PLA2G15: variants seen among roughly 807,000 people sequenced by gnomAD.
PLA2G15 encodes the protein lysosomal phospholipase A and acyltransferase.
Under a neutral mutation model 40.9 loss-of-function variants are expected in PLA2G15, and 20 were observed. The ratio of observed to expected loss-of-function variants is 0.49; its 90% confidence interval spans 0.34 to 0.71. The LOEUF is 0.71. PLA2G15 is among the 30% of genes least tolerant of loss of function. The pLI, the probability that PLA2G15 is intolerant of heterozygous loss-of-function variation, is 0.01. For missense variants in PLA2G15, 471 were observed against 541.9 expected, an observed-to-expected ratio of 0.87 and a Z score of 1.30; for synonymous variants, 223 against 228.2, an observed-to-expected ratio of 0.98 and a Z score of 0.21.
chr16:68,255,381 G>C lies in PLA2G15; in HGVS notation c.502+1G>C. 1 of 1,605,088 alleles carries C rather than the reference G, an allele frequency of 6.2e-7. No individual in the cohort carries two copies. The highest frequency in any genetic ancestry group is 8.5e-7 in the Non-Finnish European group (1 of 1,173,954). ...CCCTATGACTGGCGCCGAGCCCCAAGTAAGCAGGCACTCTCATTCCCTCCC... is the reference window on the plus strand; with the variant it reads ...CCCTATGACTGGCGCCGAGCCCCAACTAAGCAGGCACTCTCATTCCCTCCC... On this transcript the variant is annotated splice_donor_variant, in intron 4 of 5. Coordinates refer to ENST00000219345, the MANE Select transcript of PLA2G15 (RefSeq NM_012320.4). LOFTEE classifies it high-confidence loss of function. This position sits in a 1 kb window ranked among gnomAD's most constrained non-coding sequence, Gnocchi z 5.9.
intron 2 of PLA2G15, among the ~76,000 whole-genome samples, chr16:68,252,964 C>A (rs939564720): frequency 7.2e-5 from 11 of 152,064 alleles, no homozygotes; most frequent in South Asian, 4.1e-4. Context: ...CAGAGTGAGA[C>A]CCTGTCTCAA....
intron 1 of PLA2G15, among the ~76,000 whole-genome samples, chr16:68,246,606 CA>C (rs2042311353): frequency 6.6e-6 from 1 of 152,182 alleles, no homozygotes; most frequent in African/African-American, 2.4e-5. Flanking sequence ...CCAGGTTCAC[CA>C]TGGGATTTGG....
intron 5 of PLA2G15, among the ~76,000 whole-genome samples, chr16:68,257,499 T>C (rs1408127566): frequency 6.6e-6 from 1 of 152,162 alleles, no homozygotes; most frequent in Non-Finnish European, 1.5e-5. Flanking sequence ...CTGTTGCAGC[T>C]CACCAGCTGC....
At chr16:68,245,948 G>A (rs894848832) in intron 1 of PLA2G15, among the ~76,000 whole-genome samples, 6 of 152,166 alleles carry the variant, frequency 3.9e-5, no homozygotes, top group Non-Finnish European at 8.8e-5. Context: ...ACCTGGGCCT[G>A]GTTAGGAGGC....
intron 1 of PLA2G15, chr16:68,248,825 T>C (rs2042331530): frequency 1.9e-6 from 1 of 535,788 alleles, no homozygotes; most frequent in Admixed American, 5.8e-5. Context: ...TAGAGGTGTG[T>C]CTGTGTTTGC....
chr16:68,251,241 G>C (rs902605845), intron 2 of PLA2G15, among the ~76,000 whole-genome samples: 3 of 152,180 alleles, frequency 2.0e-5, no homozygotes, highest in Admixed American at 6.5e-5. Context: ...TTCAAATCCA[G>C]AATGTGTGGC....
intron 1 of PLA2G15, 96 bp downstream of exon 1, chr16:68,245,649 G>C (rs1196214945): frequency 4.1e-5 from 54 of 1,332,152 alleles, no homozygotes; most frequent in Non-Finnish European, 5.5e-5. Context: ...GTCACGAAAT[G>C]GGGGAGCGTA....
Position 68,255,159 on chromosome 16 carries a change from G to A in PLA2G15, c.403+122G>A, listed in dbSNP as rs2042390273. 1 of 966,252 alleles carries A rather than the reference G, an allele frequency of 1.0e-6. No individual in the cohort carries two copies. The highest frequency in any genetic ancestry group is 1.3e-5 in the South Asian group (1 of 75,370). The allele number at this position is 966,252 out of a possible 1,614,324, so 59.9% of individuals were successfully genotyped here. On this transcript the variant is annotated intron_variant, in intron 3 of 5. Coordinates refer to ENST00000219345, the MANE Select transcript of PLA2G15 (RefSeq NM_012320.4). This position sits in a 1 kb window ranked among gnomAD's most constrained non-coding sequence, Gnocchi z 5.9. Reference sequence around the variant, plus strand: ...CCTGTGAGCTGTCTCTGATCAGCGTGGGCACAGAGCCCTGTAGCATTCTTC... The same window carrying A: ...CCTGTGAGCTGTCTCTGATCAGCGTAGGCACAGAGCCCTGTAGCATTCTTC...
Position 68,248,152 on chromosome 16 carries a change from C to T in PLA2G15, c.128-1138C>T, listed in dbSNP as rs1043143453. The T allele has an allele frequency of 3.9e-5, 6 of 152,362 alleles. No homozygotes were observed. The South Asian group carries it at 8.3e-4, about 21-fold the overall frequency. 9.4% of individuals were successfully genotyped at this position (152,362 alleles called of 1,614,324 possible). On this transcript the variant is annotated intron_variant, in intron 1 of 5. Coordinates refer to ENST00000219345, the MANE Select transcript of PLA2G15 (RefSeq NM_012320.4). ...TACTGGACTCTGGCCTTTAGTAAGGCCTGGGCCCTTGGTAGGCTGGCGGGT... is the reference window on the plus strand; with the variant it reads ...TACTGGACTCTGGCCTTTAGTAAGGTCTGGGCCCTTGGTAGGCTGGCGGGT...
chr16:68,255,973 T>C lies in PLA2G15; in HGVS notation c.710T>C (p.Leu237Pro), dbSNP rs781645455. ...GAPWGGVAKT[L>P]RVLASGDNNR... is the part of the protein sequence containing the mutation. Reference sequence around the variant, plus strand: ...CCCTGGGGGGGCGTGGCCAAGACCCTGCGCGTCCTGGCTTCAGGTAAGACC... The same window carrying C: ...CCCTGGGGGGGCGTGGCCAAGACCCCGCGCGTCCTGGCTTCAGGTAAGACC... The change falls in exon 5 of 6, where the codon CTG becomes CCG. Residue 237 changes from leucine to proline, a missense_variant. Coordinates refer to ENST00000219345, the MANE Select transcript of PLA2G15 (RefSeq NM_012320.4). This position sits in a 1 kb window ranked among gnomAD's most constrained non-coding sequence, Gnocchi z 5.9. 3 of 1,604,742 alleles carry C rather than the reference T, an allele frequency of 1.9e-6. No homozygotes were observed. Among genetic ancestry groups the C allele is most frequent in the Admixed American group, 3.3e-5 (2 of 59,708 alleles).
At position 68,254,962 on chromosome 16, in the gene PLA2G15, G is replaced by T. The variant is rs1187794508; in HGVS notation, c.328G>T (p.Gly110Cys). ...KTSRATQFPD[G>C]VDVRVPGFGK... Reference sequence around the variant, plus strand: ...ATCCAGGGCCACCCAGTTTCCTGATGGTGTGGATGTACGTGTCCCTGGCTT... The same window carrying T: ...ATCCAGGGCCACCCAGTTTCCTGATTGTGTGGATGTACGTGTCCCTGGCTT... Residue 110 changes from glycine to cysteine, a missense_variant, in exon 3 of 6, where the codon GGT becomes TGT. Transcript: ENST00000219345. 2.5e-6 allele frequency: 4 copies of T among 1,613,906 alleles called. No homozygotes were observed. The highest frequency in any genetic ancestry group is 1.3e-5 in the African/African-American group (1 of 74,908).
At chr16:68,252,758 A>G (rs1325798256) in intron 2 of PLA2G15, 5 of 376,444 alleles carry the variant, frequency 1.3e-5, no homozygotes, top group Non-Finnish European at 2.1e-5. Context: ...GCTTGAGCCC[A>G]GGAGTTTGAG....
chr16:68,246,247 C>T (rs3785110), intron 1 of PLA2G15, among the ~76,000 whole-genome samples: 3 of 150,642 alleles, frequency 2.0e-5, no homozygotes, highest in South Asian at 2.1e-4. Flanking sequence ...CTGCTCACCC[C>T]GCTCCTTGAT....
intron 5 of PLA2G15, chr16:68,258,852 C>G (rs1051544436): frequency 2.6e-6 from 1 of 389,894 alleles, no homozygotes; most frequent in African/African-American, 2.1e-5. Flanking sequence ...CCCAGCTACT[C>G]CAAAGGCTGA....
intron 2 of PLA2G15, 120 bp downstream of exon 2, chr16:68,249,566 C>CGGTCTGGTCT: frequency 2.1e-6 from 2 of 935,304 alleles, no homozygotes; most frequent in South Asian, 1.5e-5. Context: ...CCCAGGTCCT[C>CGGTCTGGTCT]GGTCTGGTCT....
At chr16:68,253,525 T>G (rs2042372171) in intron 2 of PLA2G15, 1 of 390,370 alleles carries the variant, frequency 2.6e-6, no homozygotes, top group African/African-American at 2.1e-5. Flanking sequence ...CAGGTACACG[T>G]CACCATGCCT....
rs1187016333 is a variant in PLA2G15, at chr16:68,260,374, CA to C, written c.*718del. The C allele has an allele frequency of 6.5e-6, 1 of 152,880 alleles. No homozygotes were observed. The highest frequency in any genetic ancestry group is 1.5e-5 in the Non-Finnish European group (1 of 68,224). The allele number at this position is 152,880 out of a possible 1,614,324, so 9.5% of individuals were successfully genotyped here. A position where few individuals can be genotyped will look rare whatever the true frequency, so the allele number is the denominator to read the frequency against. On this transcript the variant is annotated 3_prime_UTR_variant, in exon 6 of 6. Coordinates refer to ENST00000219345, the MANE Select transcript of PLA2G15 (RefSeq NM_012320.4). Reference sequence around the variant, plus strand: ...GCCCCCAGTCCCGCAGGCTGTGTTCCAGGGGCCCTGATTTCCTCGGATGTGC... The same window carrying C: ...GCCCCCAGTCCCGCAGGCTGTGTTCCGGGGCCCTGATTTCCTCGGATGTGC...
chr16:68,260,731 C>T lies in PLA2G15; in HGVS notation c.*1074C>T, dbSNP rs1417153124. 6.6e-6 allele frequency: 1 copy of T among 152,222 alleles called. No homozygotes were observed. The highest frequency in any genetic ancestry group is 1.5e-5 in the Non-Finnish European group (1 of 68,054). The allele number at this position is 152,222 out of a possible 1,614,324, so 9.4% of individuals were successfully genotyped here. ...GAGAGAGCCAGGGGTCCCCTGAGGC[C>T]CCCCTAGGGGCTTTCTGTCTGCCCC... On this transcript the variant is annotated 3_prime_UTR_variant, in exon 6 of 6. Transcript: ENST00000219345.
intron 5 of PLA2G15, 177 bp from the exon 6 acceptor site, chr16:68,258,965 GAAAA>G: frequency 1.7e-6 from 1 of 588,376 alleles, no homozygotes; most frequent in Non-Finnish European, 3.0e-6. Context: ...GTCTCAAAAA[GAAAA>G]AAAAAGAGCC....
Sources: gnomAD v4.1 joint callset for allele counts (sites outside exome capture counted in the v4.1 genomes callset) on GRCh38, gnomAD v4.1.1 for gene constraint, Gnocchi (gnomAD v3.1) non-coding constraint, MANE v1.5 for transcripts, NCBI Gene and HGNC (gene_info 2026-07-23, HGNC 2026-07-21) for gene names.